The following RSPH4A variants were observed in gnomAD, a reference collection of about 807,000 sequenced individuals.
RSPH4A encodes the protein radial spoke head component 4A.
Under a neutral mutation model 71.0 loss-of-function variants are expected in RSPH4A, and 47 were observed. That is an observed-to-expected ratio of 0.66 (90% CI 0.52 to 0.84). The LOEUF (loss-of-function observed/expected upper bound fraction) is 0.84, where lower values mean the gene tolerates loss of function less well. Ranked by LOEUF, RSPH4A falls within the 40% of genes least tolerant of loss-of-function variation. The pLI is 0.00. For synonymous variants in RSPH4A, 282 were observed against 302.3 expected (o/e 0.93, Z 0.70); for missense variants, 793 against 855.2 (o/e 0.93, Z 0.91).
At chr6:116,624,613 A>C (rs1027749452) in intron 2 of RSPH4A, among the ~76,000 whole-genome samples, 2 of 152,208 alleles carry the variant, frequency 1.3e-5, no homozygotes, top group African/African-American at 2.4e-5. Flanking sequence ...GCTCCACCTC[A>C]GAAAGTAGAA....
At position 116,628,382 on chromosome 6, in the gene RSPH4A, C is replaced by A. The variant is rs1481778625; in HGVS notation, c.1662+13C>A. 8 of 1,590,066 alleles carry A rather than the reference C, an allele frequency of 5.0e-6. No individual in the cohort carries two copies. Among genetic ancestry groups the A allele is most frequent in the Non-Finnish European group, 6.9e-6 (8 of 1,158,848 alleles). On this transcript the variant is annotated intron_variant, in intron 3 of 5. Coordinates refer to ENST00000229554, the MANE Select transcript of RSPH4A (RefSeq NM_001010892.3). Reference sequence around the variant, plus strand: ...TATTCTCTCTCAGGTAGGAGCTTTGCACTTCTCAATCTATCAGGTAATTAG... The same window carrying A: ...TATTCTCTCTCAGGTAGGAGCTTTGAACTTCTCAATCTATCAGGTAATTAG...
intron 2 of RSPH4A, among the ~76,000 whole-genome samples, chr6:116,625,406 GCAAA>G (rs989187133): frequency 1.3e-5 from 2 of 152,198 alleles, no homozygotes; most frequent in Non-Finnish European, 2.9e-5. Flanking sequence ...TGGAAATGAA[GCAAA>G]CAGAGTGCTT....
rs1207128366 is a variant in RSPH4A, at chr6:116,622,949, C to G, written c.868C>G (p.Leu290Val). Residue 290 changes from leucine (L) to valine (V), a missense_variant, in exon 2 of 6, where the codon CTT becomes GTT. Transcript: ENST00000229554. ...TYEIAEKQKA[L>V]FLQGHLEGVD... ...TGAAATAGCAGAAAAGCAAAAGGCT[C>G]TTTTTCTCCAGGGACATTTGGAAGG... The G allele has an allele frequency of 4.3e-6, 7 of 1,613,678 alleles. No homozygotes were observed. Among genetic ancestry groups the G allele is most frequent in the Non-Finnish European group, 5.9e-6 (7 of 1,179,876 alleles).
rs1775818987 is a variant in RSPH4A, at chr6:116,632,329, A to T, written c.2039A>T (p.Asp680Val). ...GGACCAGAAATTACAGAAATGGATG[A>T]TCCTAGTGTGGAGGAGGAGCAGGCT... ...PSGPEITEMD[D>V]PSVEEEQAFR... Residue 680 changes from aspartate (D) to valine (V), a missense_variant, in exon 6 of 6, where the codon GAT becomes GTT. Physicochemically the swap from Asp to Val is radical, Grantham distance 152. Coordinates refer to ENST00000229554, the MANE Select transcript of RSPH4A (RefSeq NM_001010892.3). 2 of 1,614,040 alleles carry T rather than the reference A, an allele frequency of 1.2e-6. No individual in the cohort carries two copies. Among genetic ancestry groups the T allele is most frequent in the Non-Finnish European group, 1.7e-6 (2 of 1,180,004 alleles).
At position 116,630,488 on chromosome 6, in the gene RSPH4A, C is replaced by T; in HGVS notation, c.1852C>T (p.Gln618Ter). The change falls in exon 5 of 6, where the codon CAA (glutamine) becomes TAA (stop). Residue 618 changes from glutamine to a stop codon, truncating the protein, a stop_gained. Transcript: ENST00000229554. LOFTEE classifies it high-confidence loss of function. The part of the protein sequence containing the change: ...TTRLSSNLIP[Q>*]YAIAVLQSNL... ...ACGGTTATCCTCAAATCTCATTCCA[C>T]AATATGCTATTGCAGTCCTTCAATC... The T allele has an allele frequency of 6.2e-7, 1 of 1,611,982 alleles. No individual in the cohort carries two copies. Among genetic ancestry groups the T allele is most frequent in the Non-Finnish European group, 8.5e-7 (1 of 1,178,188 alleles).
Position 116,627,503 on chromosome 6 carries a change from T to C in RSPH4A, c.922-126T>C, listed in dbSNP as rs1184099174. ...GAACCACTGCACCCAGCCAATTTGA[T>C]CTAAATCTTGAGAGAAATGTCAAAG... is the stretch of plus-strand genomic sequence containing the variant. On this transcript the variant is annotated intron_variant, in intron 2 of 5. Coordinates refer to ENST00000229554, the MANE Select transcript of RSPH4A (RefSeq NM_001010892.3). The C allele has an allele frequency of 2.3e-5, 20 of 867,530 alleles. No individual in the cohort carries two copies. In the East Asian group the frequency reaches 5.0e-4, roughly 22 times the overall value. The allele number at this position is 867,530 out of a possible 1,614,324, so 53.7% of individuals were successfully genotyped here. A position where few individuals can be genotyped will look rare whatever the true frequency, so the allele number is the denominator to read the frequency against.
At chr6:116,617,486 G>C (rs1775531250) in intron 1 of RSPH4A, among the ~76,000 whole-genome samples, 177 bp downstream of exon 1, 2 of 151,414 alleles carry the variant, frequency 1.3e-5, no homozygotes, top group South Asian at 4.2e-4. Flanking sequence ...CATTAATGGA[G>C]ATTCTTGTAC....
rs1049995109 is a variant in RSPH4A, at chr6:116,632,201, T to C, written c.1917-6T>C. 1.9e-6 allele frequency: 3 copies of C among 1,594,734 alleles called. No individual in the cohort carries two copies. The highest frequency in any genetic ancestry group is 2.3e-5 in the East Asian group (1 of 44,198). Reference sequence around the variant, plus strand: ...CTTTTTTTCTTCTTCTTTTTCTTACTTATAGAAAGTTTGAAAATTTCTACA... The same window carrying C: ...CTTTTTTTCTTCTTCTTTTTCTTACCTATAGAAAGTTTGAAAATTTCTACA... On this transcript the variant is annotated splice_polypyrimidine_tract_variant and splice_region_variant and intron_variant, in intron 5 of 5. Coordinates refer to ENST00000229554, the MANE Select transcript of RSPH4A (RefSeq NM_001010892.3).
rs1775505225 is a variant in RSPH4A at position 116,616,577 on chromosome 6, T to G, written c.-47T>G. The G allele has an allele frequency of 6.6e-7, 1 of 1,513,312 alleles. No individual in the cohort carries two copies. Among genetic ancestry groups the G allele is most frequent in the African/African-American group, 1.4e-5 (1 of 72,844 alleles). The allele number at this position is 1,513,312 out of a possible 1,614,324, so 93.7% of individuals were successfully genotyped here. ...TTAACTGAGTTGCCTTCTTCCATAT[T>G]TTCACGCCCCTTTCATCCAGAACAT... is the stretch of plus-strand genomic sequence containing the variant. On this transcript the variant is annotated 5_prime_UTR_variant, in exon 1 of 6. The change creates a new upstream start codon in the 5' untranslated region. Transcript: ENST00000229554.
intron 2 of RSPH4A, among the ~76,000 whole-genome samples, chr6:116,626,776 A>G (rs888049625): frequency 1.3e-5 from 2 of 152,226 alleles, no homozygotes; most frequent in African/African-American, 4.8e-5. Flanking sequence ...GCATCTGACT[A>G]CATTATGTCT....
At chr6:116,617,512 C>CTT (rs61166013) in intron 1 of RSPH4A, among the ~76,000 whole-genome samples, 4,842 of 141,828 alleles carry the variant, frequency 0.034, 268 homozygotes, top group African/African-American at 0.11. Flanking sequence ...TTTTCTTAAC[C>CTT]TTTTTTTTTT....
intron 5 of RSPH4A, among the ~76,000 whole-genome samples, chr6:116,631,907 T>C (rs1418180423): frequency 6.6e-6 from 1 of 152,156 alleles, no homozygotes; most frequent in Non-Finnish European, 1.5e-5. Context: ...CTTTTTTTTT[T>C]CCTCCCCTGA....
In RSPH4A at chr6:116,616,706, C is replaced by T; in HGVS notation, c.83C>T (p.Thr28Ile). 1 of 1,614,150 alleles carries T rather than the reference C, an allele frequency of 6.2e-7. No homozygotes were observed. Among genetic ancestry groups the T allele is most frequent in the Admixed American group, 1.7e-5 (1 of 60,030 alleles). ...ACAAGGCGGCCATGGGAAGGAAAGACAGCAGCTTCTCCCCAATATTCTGAG... is the reference window on the plus strand; with the variant it reads ...ACAAGGCGGCCATGGGAAGGAAAGATAGCAGCTTCTCCCCAATATTCTGAG... ...GETRRPWEGKTAASPQYSEPE... is the reference protein window; with the variant it reads ...GETRRPWEGKIAASPQYSEPE... The change falls in exon 1 of 6, where the codon ACA (threonine) becomes ATA (isoleucine). Residue 28 changes from threonine to isoleucine, a missense_variant. Transcript: ENST00000229554.
chr6:116,626,339 G>GTTTCTTTT (rs961870304), intron 2 of RSPH4A, among the ~76,000 whole-genome samples: 6 of 152,020 alleles, frequency 3.9e-5, no homozygotes, highest in Admixed American at 3.9e-4. Flanking sequence ...TCACAAATGT[G>GTTTCTTTT]TTTCTTTTTT....
At chr6:116,631,861 A>AT (rs1775810252) in intron 5 of RSPH4A, among the ~76,000 whole-genome samples, 1 of 152,030 alleles carries the variant, frequency 6.6e-6, no homozygotes, top group Non-Finnish European at 1.5e-5. Context: ...ACAGTTAGCT[A>AT]TTTTTATATC....
rs1357753191 is a variant in RSPH4A at position 116,623,009 on chromosome 6, C to T, written c.921+7C>T. The T allele has an allele frequency of 6.7e-7, 1 of 1,497,516 alleles. No individual in the cohort carries two copies. The highest frequency in any genetic ancestry group is 9.3e-7 in the Non-Finnish European group (1 of 1,073,828). The allele number at this position is 1,497,516 out of a possible 1,614,324, so 92.8% of individuals were successfully genotyped here. On this transcript the variant is annotated splice_region_variant and intron_variant, in intron 2 of 5. Transcript: ENST00000229554. ...AGAATTGGAAGATGAAATAGTAAGTCACTACTACAAATTTTAATAATAAAC... is the reference window on the plus strand; with the variant it reads ...AGAATTGGAAGATGAAATAGTAAGTTACTACTACAAATTTTAATAATAAAC...
In RSPH4A at chr6:116,632,667, T is replaced by C. The variant is rs1333989155; in HGVS notation, c.*226T>C. On this transcript the variant is annotated 3_prime_UTR_variant, in exon 6 of 6. Transcript: ENST00000229554. ...AGGATTTTCCAGAGGCTAAATAACA[T>C]GCAATTGCATAATTGTTCTGAGGGT... The C allele has an allele frequency of 1.9e-6, 1 of 517,850 alleles. No homozygotes were observed. Among genetic ancestry groups the C allele is most frequent in the African/African-American group, 1.9e-5 (1 of 51,928 alleles). The allele number at this position is 517,850 out of a possible 1,614,324, so 32.1% of individuals were successfully genotyped here.
chr6:116,627,092 A>G (rs1410183660), intron 2 of RSPH4A, among the ~76,000 whole-genome samples: 1 of 152,246 alleles, frequency 6.6e-6, no homozygotes. Flanking sequence ...AAATATACAC[A>G]TAAACAAGGT....
chr6:116,626,543 A>T (rs1225586921), intron 2 of RSPH4A, among the ~76,000 whole-genome samples: 3 of 151,922 alleles, frequency 2.0e-5, no homozygotes, highest in Non-Finnish European at 4.4e-5. Context: ...GGGTTTCACC[A>T]TGTTAGCCAG....
Sources: allele counts gnomAD v4.1 joint callset (sites outside exome capture counted in the v4.1 genomes callset), GRCh38; gene constraint gnomAD v4.1.1; transcripts MANE v1.5; gene names NCBI Gene and HGNC (gene_info 2026-07-23, HGNC 2026-07-21).